Variants in LRRC4C observed in about 807,000 individuals in gnomAD.
LRRC4C encodes the protein leucine rich repeat containing 4C.
A neutral mutation model predicts 33.6 loss-of-function variants in LRRC4C; 5 were observed. That is an observed-to-expected ratio of 0.15 (90% CI 0.08 to 0.31). The LOEUF is 0.31. LRRC4C is among the 10% of genes least tolerant of loss of function. The probability of loss-of-function intolerance (pLI) is 1.00; values close to 1 mark genes in which losing one functional copy is unlikely to be tolerated. For synonymous variants in LRRC4C, 329 were observed against 302.0 expected (o/e 1.09, Z -0.93); for missense variants, 560 against 796.7 (o/e 0.70, Z 3.58).
At chr11:40,153,416 A>C (rs1360595664) in intron 5 of LRRC4C, among the ~76,000 whole-genome samples, 2 of 152,184 alleles carry the variant, frequency 1.3e-5, no homozygotes, top group Non-Finnish European at 2.9e-5. Flanking sequence ...CTAGTTCACC[A>C]GCAATGGATC....
At chr11:41,203,471 T>C (rs1244896515) in intron 1 of LRRC4C, among the ~76,000 whole-genome samples, 1 of 152,244 alleles carries the variant, frequency 6.6e-6, no homozygotes, top group East Asian at 1.9e-4. Flanking sequence ...CTATTGGTTT[T>C]AGATGACTAA....
intron 5 of LRRC4C, among the ~76,000 whole-genome samples, chr11:40,167,460 A>T (rs995887501): frequency 1.3e-5 from 2 of 152,192 alleles, no homozygotes. Flanking sequence ...AAATGTGTCA[A>T]CGTGAACATT....
At chr11:40,117,110 G>C (rs1454230975) in intron 6 of LRRC4C, among the ~76,000 whole-genome samples, 2 of 152,190 alleles carry the variant, frequency 1.3e-5, no homozygotes, top group South Asian at 2.1e-4. Flanking sequence ...TGTTTAGTAA[G>C]TATAAATCAG....
chr11:40,444,685 G>A (rs1017164156), intron 3 of LRRC4C, among the ~76,000 whole-genome samples: 25 of 152,202 alleles, frequency 1.6e-4, no homozygotes, highest in African/African-American at 6.0e-4. Context: ...CCAATGTGCT[G>A]CAGTGTTTTT....
intron 3 of LRRC4C, among the ~76,000 whole-genome samples, chr11:40,543,729 T>C (rs1956810747): frequency 6.6e-6 from 1 of 151,934 alleles, no homozygotes; most frequent in Non-Finnish European, 1.5e-5. Flanking sequence ...GAAGAATGAG[T>C]TAGAGATTTT....
Position 41,038,653 on chromosome 11 carries a change from C to CT in LRRC4C, c.-495-104931dup, listed in dbSNP as rs1857240286. Among the ~76,000 whole-genome samples, 5 of 152,230 alleles carry CT rather than the reference C, an allele frequency of 3.3e-5. No homozygotes were observed. The South Asian group carries it at 1.0e-3, about 32-fold the overall frequency. On this transcript the variant is annotated intron_variant, in intron 1 of 6. Transcript: ENST00000528697. The stretch of plus-strand genomic sequence containing the variant: ...CAATTCTAACATTTAGAGACTGTCA[C>CT]TAGGTGACTTGTGCAAGCTCATAAA...
At chr11:40,587,856 T>A (rs1434920909) in intron 3 of LRRC4C, among the ~76,000 whole-genome samples, 1 of 152,218 alleles carries the variant, frequency 6.6e-6, no homozygotes, top group Non-Finnish European at 1.5e-5. Context: ...AGCTTTTTGA[T>A]GTGCTGCTGG....
chr11:40,496,637 C>G (rs1954474856), intron 3 of LRRC4C, among the ~76,000 whole-genome samples: 1 of 152,078 alleles, frequency 6.6e-6, no homozygotes, highest in Admixed American at 6.5e-5. Flanking sequence ...AATCATTTTT[C>G]TGCCTTCATA....
chr11:40,350,019 T>C (rs1022785275), intron 3 of LRRC4C, among the ~76,000 whole-genome samples: 1 of 152,128 alleles, frequency 6.6e-6, no homozygotes, highest in Non-Finnish European at 1.5e-5. Context: ...AGTTTGCAAA[T>C]GTTTTCTCCG....
At chr11:40,182,722 G>A (rs1590640465) in intron 5 of LRRC4C, among the ~76,000 whole-genome samples, 1 of 152,192 alleles carries the variant, frequency 6.6e-6, no homozygotes, top group East Asian at 1.9e-4. Context: ...CATCCCAAAT[G>A]TCAAATGCAT....
intron 3 of LRRC4C, among the ~76,000 whole-genome samples, chr11:40,596,543 T>C (rs554535202): frequency 1.3e-5 from 2 of 152,114 alleles, no homozygotes; most frequent in Non-Finnish European, 2.9e-5. Context: ...AAATACTAGA[T>C]CTTATTAATT....
intron 2 of LRRC4C, among the ~76,000 whole-genome samples, chr11:40,892,213 A>C (rs2136116970): frequency 6.6e-6 from 1 of 152,154 alleles, no homozygotes; most frequent in Admixed American, 6.5e-5. Flanking sequence ...TGATCCAGCA[A>C]TCTCACTGCT....
intron 2 of LRRC4C, among the ~76,000 whole-genome samples, chr11:40,655,671 C>T (rs1591384035): frequency 6.6e-6 from 1 of 152,268 alleles, no homozygotes; most frequent in East Asian, 1.9e-4. Context: ...ACTGGCACAA[C>T]AGGAGGAAAA....
At chr11:40,969,150 ATTTCAG>A in intron 1 of LRRC4C, among the ~76,000 whole-genome samples, 1 of 152,268 alleles carries the variant, frequency 6.6e-6, no homozygotes, top group South Asian at 2.1e-4. Flanking sequence ...CGGCTTCAAG[ATTTCAG>A]TGAAGGAAAT....
chr11:40,282,983 C>T (rs1762247954), intron 4 of LRRC4C, among the ~76,000 whole-genome samples: 1 of 152,184 alleles, frequency 6.6e-6, no homozygotes, highest in South Asian at 2.1e-4. Flanking sequence ...GGACATTACT[C>T]AAACTTAAAA....
chr11:40,709,440 A>T (rs545717579), intron 2 of LRRC4C, among the ~76,000 whole-genome samples: 146 of 152,100 alleles, frequency 9.6e-4, no homozygotes, highest in African/African-American at 3.4e-3. Context: ...TCTGTAAAGG[A>T]TTTTATTTCT....
At chr11:40,415,971 T>A (rs1355523459) in intron 3 of LRRC4C, among the ~76,000 whole-genome samples, 1 of 152,226 alleles carries the variant, frequency 6.6e-6, no homozygotes, top group Non-Finnish European at 1.5e-5. Context: ...AATGCTTTTA[T>A]ATTTGAAGTT....
chr11:40,516,568 A>G (rs1955568554), intron 3 of LRRC4C, among the ~76,000 whole-genome samples: 1 of 152,078 alleles, frequency 6.6e-6, no homozygotes, highest in African/African-American at 2.4e-5. Context: ...GCATAGAAAG[A>G]GTTTAAAGCA....
At position 40,417,900 on chromosome 11, in the gene LRRC4C, C is replaced by T. The variant is rs150151771; in HGVS notation, c.-269-98179G>A. 1.7e-4 allele frequency among the ~76,000 whole-genome samples: 26 copies of T among 152,244 alleles called. No homozygotes were observed. The East Asian group carries it at 4.3e-3, about 25-fold the overall frequency. On this transcript the variant is annotated intron_variant, in intron 3 of 6. Transcript: ENST00000528697. ...CCAAATCTAATTCCACTTTGAATCA[C>T]GAGTCTGGTATCACGCAGAGCCAAT...
Sources: gnomAD v4.1 joint callset for allele counts (sites outside exome capture counted in the v4.1 genomes callset) on GRCh38, gnomAD v4.1.1 for gene constraint, MANE v1.5 for transcripts, NCBI Gene and HGNC (gene_info 2026-07-23, HGNC 2026-07-21) for gene names.